Variants in TNNT2 observed in about 807,000 individuals in gnomAD.
The protein encoded by TNNT2 is troponin T, cardiac muscle.
TNNT2 carries 34 observed loss-of-function variants against 62.4 expected under a neutral mutation model. That is an observed-to-expected ratio of 0.54 (90% CI 0.41 to 0.72). The LOEUF (loss-of-function observed/expected upper bound fraction) is 0.72, where lower values mean the gene tolerates loss of function less well. Ranked by LOEUF, TNNT2 falls within the 30% of genes least tolerant of loss-of-function variation. The probability of loss-of-function intolerance (pLI) is 0.00; values close to 1 mark genes in which losing one functional copy is unlikely to be tolerated. For synonymous variants in TNNT2, 123 were observed against 127.2 expected, an observed-to-expected ratio of 0.97 and a Z score of 0.22; for missense variants, 275 against 381.9, an observed-to-expected ratio of 0.72 and a Z score of 2.33.
At chr1:201,377,574 C>A (rs1363797972) in intron 1 of TNNT2, 49 bp downstream of exon 1, 1 of 456,318 alleles carries the variant, frequency 2.2e-6, no homozygotes, top group South Asian at 1.5e-5. Flanking sequence ...TCACATCTCC[C>A]CGTCCATTCT....
chr1:201,365,896 T>C (rs1029538591), intron 8 of TNNT2: 8 of 1,404,124 alleles, frequency 5.7e-6, no homozygotes, highest in Non-Finnish European at 7.5e-6. Flanking sequence ...TTCATGCTCA[T>C]GATATGCCCA....
chr1:201,373,486 C>T (rs952776556), intron 1 of TNNT2: 28 of 600,432 alleles, frequency 4.7e-5, no homozygotes, highest in African/African-American at 4.1e-4. Flanking sequence ...ATGTCCACTT[C>T]GTTCCTTGCC....
At position 201,361,351 on chromosome 1, in the gene TNNT2, C is replaced by T. The variant is rs1571600799; in HGVS notation, c.738G>A (p.Leu246=). Residue 246 remains leucine, a synonymous_variant, in exon 15 of 17, where the codon CTG becomes CTA. Transcript: ENST00000656932. The part of the protein sequence containing the change: ...EDQLREKAKE[L]WQSIYNLEAE... ...CCTCCAAGTTATAGATGCTCTGCCA[C>T]AGCTCCTTGGCCTTCTCCCTGCACG... 1.2e-6 allele frequency: 2 copies of T among 1,614,188 alleles called. No homozygotes were observed. Among genetic ancestry groups the T allele is most frequent in the Admixed American group, 1.7e-5 (1 of 60,030 alleles).
intron 5 of TNNT2, among the ~76,000 whole-genome samples, chr1:201,368,634 A>G (rs768638167): frequency 3.3e-5 from 5 of 152,220 alleles, no homozygotes; most frequent in Non-Finnish European, 7.3e-5. Flanking sequence ...GTGTGGCTGG[A>G]TGGCACACTC....
intron 15 of TNNT2, among the ~76,000 whole-genome samples, 186 bp from the exon 16 acceptor site, chr1:201,359,849 C>G (rs1358565111): frequency 6.6e-6 from 1 of 152,058 alleles, no homozygotes; most frequent in Non-Finnish European, 1.5e-5. Flanking sequence ...AGGCAGAAGC[C>G]AAGGAGAAGC....
At chr1:201,367,268 C>T (rs1659837982) in intron 7 of TNNT2, 8 of 392,872 alleles carry the variant, frequency 2.0e-5, no homozygotes, top group South Asian at 1.1e-4. Context: ...TTGGACTTCC[C>T]GGTGGCCACA....
At chr1:201,367,958 TC>T in intron 6 of TNNT2, 152 bp from the exon 7 acceptor site, 1 of 1,065,896 alleles carries the variant, frequency 9.4e-7, no homozygotes. Flanking sequence ...ACACACACAT[TC>T]CCCTGGACCC....
At chr1:201,375,630 G>A (rs1326722020) in intron 1 of TNNT2, among the ~76,000 whole-genome samples, 2 of 152,322 alleles carry the variant, frequency 1.3e-5, no homozygotes, top group East Asian at 1.9e-4. Context: ...TAGGATGGGT[G>A]GGGCTGACAA....
intron 15 of TNNT2, 42 bp from the exon 16 acceptor site, chr1:201,359,705 G>A (rs756065564): frequency 1.3e-6 from 2 of 1,561,092 alleles, no homozygotes; most frequent in Admixed American, 3.7e-5. Context: ...CGCTGGAGCT[G>A]ACTGGCTCAG....
rs941842854 is a variant in TNNT2 at position 201,369,851 on chromosome 1, G to A, written c.68-6C>T. 18 of 1,614,028 alleles carry A rather than the reference G, an allele frequency of 1.1e-5. No homozygotes were observed. Among genetic ancestry groups the A allele is most frequent in the Non-Finnish European group, 1.4e-5 (17 of 1,180,050 alleles). ...CTCTCTCCAGTCCTCCTCTTCTGAG[G>A]TTCAGGGAGTGGCCGCAGCGGAGGG... On this transcript the variant is annotated splice_polypyrimidine_tract_variant and splice_region_variant and intron_variant, in intron 4 of 16. Transcript: ENST00000656932.
Position 201,359,059 on chromosome 1 carries a change from G to A in TNNT2, c.*151C>T. ...ATTACTGGTGTGGAGTGGGTGTGGG[G>A]GCAGGCAGGAGTGGTGGCTCCCACC... On this transcript the variant is annotated 3_prime_UTR_variant, in exon 17 of 17. Coordinates refer to ENST00000656932, the MANE Select transcript of TNNT2 (RefSeq NM_001276345.2). 3 of 891,064 alleles carry A rather than the reference G, an allele frequency of 3.4e-6. No individual in the cohort carries two copies. The highest frequency in any genetic ancestry group is 1.8e-6 in the Non-Finnish European group (1 of 553,156). 55.2% of individuals were successfully genotyped at this position (891,064 alleles called of 1,614,324 possible). A position where few individuals can be genotyped will look rare whatever the true frequency, so the allele number is the denominator to read the frequency against.
chr1:201,369,301 AG>A, intron 5 of TNNT2: 1 of 472,438 alleles, frequency 2.1e-6, no homozygotes, highest in Non-Finnish European at 4.4e-6. Flanking sequence ...GCTCCCCATC[AG>A]CAGGGCGCAT....
intron 5 of TNNT2, among the ~76,000 whole-genome samples, 197 bp downstream of exon 5, chr1:201,369,619 G>T (rs1227632110): frequency 6.6e-6 from 1 of 152,184 alleles, no homozygotes; most frequent in African/African-American, 2.4e-5. Context: ...GGAGCCAGTG[G>T]CCCTGAAGTT....
chr1:201,371,118 TC>T (rs1212580813), intron 4 of TNNT2, among the ~76,000 whole-genome samples: 2 of 151,974 alleles, frequency 1.3e-5, no homozygotes, highest in African/African-American at 4.8e-5. Flanking sequence ...CCACCTGGGC[TC>T]CCCCCTTGGA....
At chr1:201,370,142 C>G (rs570994883) in intron 4 of TNNT2, among the ~76,000 whole-genome samples, 2 of 152,224 alleles carry the variant, frequency 1.3e-5, no homozygotes, top group Non-Finnish European at 2.9e-5. Context: ...GTGCCTGGCA[C>G]AAGAGGAGCA....
chr1:201,376,487 G>A (rs187327598), intron 1 of TNNT2, among the ~76,000 whole-genome samples: 5 of 152,308 alleles, frequency 3.3e-5, no homozygotes, highest in African/African-American at 1.2e-4. Flanking sequence ...AGCCCACCAG[G>A]AGAGCGGGGG....
chr1:201,359,714 A>C, intron 15 of TNNT2, 51 bp from the exon 16 acceptor site: 1 of 1,544,374 alleles, frequency 6.5e-7, no homozygotes, highest in Non-Finnish European at 8.8e-7. Flanking sequence ...TGACTGGCTC[A>C]GGTCCCAGGT....
intron 10 of TNNT2, 40 bp downstream of exon 10, chr1:201,365,151 G>A: frequency 6.6e-7 from 1 of 1,520,160 alleles, no homozygotes; most frequent in South Asian, 1.1e-5. Flanking sequence ...GGACAGACTG[G>A]GCCATCAGAG....
intron 10 of TNNT2, 75 bp from the exon 11 acceptor site, chr1:201,364,450 G>T: frequency 6.8e-7 from 1 of 1,468,862 alleles, no homozygotes; most frequent in Non-Finnish European, 9.3e-7. Flanking sequence ...AACCTGCATG[G>T]GGTGGCAAGG....
Sources: allele counts gnomAD v4.1 joint callset (sites outside exome capture counted in the v4.1 genomes callset), GRCh38; gene constraint gnomAD v4.1.1; transcripts MANE v1.5; gene names NCBI Gene and HGNC (gene_info 2026-07-23, HGNC 2026-07-21).